The following CSGALNACT1 variants were observed in gnomAD, a reference collection of about 807,000 sequenced individuals.
CSGALNACT1 encodes chondroitin sulfate N-acetylgalactosaminyltransferase 1.
Under a neutral mutation model 51.0 loss-of-function variants are expected in CSGALNACT1, and 52 were observed. That is an observed-to-expected ratio of 1.02 (90% CI 0.82 to 1.29). CSGALNACT1 has a LOEUF of 1.29. CSGALNACT1 is among the 50% of genes most tolerant of loss of function. CSGALNACT1 has a pLI of 0.00. For synonymous variants in CSGALNACT1, 341 were observed against 254.4 expected, an observed-to-expected ratio of 1.34 and a Z score of -3.24; for missense variants, 935 against 679.2, an observed-to-expected ratio of 1.38 and a Z score of -4.19.
intron 1 of CSGALNACT1, among the ~76,000 whole-genome samples, chr8:19,624,627 T>C (rs2054221049): frequency 6.6e-6 from 1 of 152,044 alleles, no homozygotes; most frequent in African/African-American, 2.4e-5. Flanking sequence ...AAATGGTGAC[T>C]CAGAGGATCA....
chr8:19,566,540 A>G (rs1279455120), intron 3 of CSGALNACT1, among the ~76,000 whole-genome samples: 2 of 152,240 alleles, frequency 1.3e-5, no homozygotes, highest in African/African-American at 4.8e-5. Flanking sequence ...CACATTATAA[A>G]AAACCTGGTA....
chr8:19,449,946 AACAG>A (rs1380014155), intron 5 of CSGALNACT1, among the ~76,000 whole-genome samples: 1 of 151,448 alleles, frequency 6.6e-6, no homozygotes, highest in Non-Finnish European at 1.5e-5. Flanking sequence ...TCACAAACAA[AACAG>A]ACAATGAAGT....
chr8:19,655,925 G>T (rs973430976), intron 1 of CSGALNACT1, among the ~76,000 whole-genome samples: 1 of 152,176 alleles, frequency 6.6e-6, no homozygotes, highest in Non-Finnish European at 1.5e-5. Context: ...TATGCTAATT[G>T]AAAGGAGGGG....
intron 1 of CSGALNACT1, among the ~76,000 whole-genome samples, chr8:19,651,024 G>A (rs1473629994): frequency 2.6e-5 from 4 of 152,172 alleles, no homozygotes; most frequent in Non-Finnish European, 5.9e-5. Flanking sequence ...TAGCATGGAG[G>A]TGCGGTCTTC....
At chr8:19,591,896 C>T (rs939161092) in intron 2 of CSGALNACT1, among the ~76,000 whole-genome samples, 3 of 152,010 alleles carry the variant, frequency 2.0e-5, no homozygotes, top group African/African-American at 7.2e-5. Flanking sequence ...TTTTAAAAAT[C>T]TGCCATCACC....
intron 4 of CSGALNACT1, among the ~76,000 whole-genome samples, chr8:19,484,482 T>C (rs2072347650): frequency 6.6e-6 from 1 of 152,180 alleles, no homozygotes; most frequent in East Asian, 1.9e-4. Context: ...TCCACATGGC[T>C]GGGGAGGCCT....
intron 4 of CSGALNACT1, 139 bp downstream of exon 3, chr8:19,505,062 T>C: frequency 2.3e-6 from 2 of 855,282 alleles, no homozygotes; most frequent in Non-Finnish European, 3.9e-6. Flanking sequence ...ATGCCGTACC[T>C]TTTGGTGTCA....
intron 4 of CSGALNACT1, among the ~76,000 whole-genome samples, chr8:19,485,732 C>G (rs1382626840): frequency 7.4e-6 from 1 of 135,090 alleles, no homozygotes; most frequent in Non-Finnish European, 1.5e-5. Context: ...TGGGCACTAA[C>G]TAAAGTCTCA....
intron 1 of CSGALNACT1, among the ~76,000 whole-genome samples, chr8:19,658,245 T>C (rs2058463203): frequency 6.6e-6 from 1 of 152,054 alleles, no homozygotes; most frequent in Non-Finnish European, 1.5e-5. Context: ...GGTAGCTGTC[T>C]GGAAGCCCCC....
chr8:19,625,822 A>T (rs958930184), intron 1 of CSGALNACT1, among the ~76,000 whole-genome samples: 2 of 152,200 alleles, frequency 1.3e-5, no homozygotes, highest in African/African-American at 4.8e-5. Context: ...TAAGCCAGTT[A>T]GTTTCCTGGG....
rs924261970 is a variant in CSGALNACT1, at chr8:19,756,959, G to A, written c.-297+891C>T. Among the ~76,000 whole-genome samples, 50 of 148,850 alleles carry A rather than the reference G, an allele frequency of 3.4e-4. 2 individuals are homozygous for A. In the East Asian group the frequency reaches 9.6e-3, roughly 29 times the overall value. ...CCCACCTGGAGGCGCCGCGCCCTCC[G>A]CCTGCCAAGCCGGTCCCCGGCCCCT... On this transcript the variant is annotated intron_variant, in intron 1 of 1. Coordinates refer to the CSGALNACT1 transcript ENST00000517494.
intron 1 of CSGALNACT1, among the ~76,000 whole-genome samples, chr8:19,656,007 G>C (rs1300043413): frequency 6.6e-6 from 1 of 152,122 alleles, no homozygotes; most frequent in African/African-American, 2.4e-5. Context: ...TTAAACTTTG[G>C]AGGTTGAGCA....
chr8:19,525,531 C>T (rs528965602), intron 3 of CSGALNACT1, among the ~76,000 whole-genome samples: 15 of 138,966 alleles, frequency 1.1e-4, no homozygotes, highest in African/African-American at 1.6e-4. Flanking sequence ...GTAGGAGAAT[C>T]GCTTGAACCC....
At chr8:19,742,737 C>A (rs2064391147) in intron 1 of CSGALNACT1, among the ~76,000 whole-genome samples, 1 of 152,228 alleles carries the variant, frequency 6.6e-6, no homozygotes, top group South Asian at 2.1e-4. Context: ...CTTCCTTCAA[C>A]ATCTTTCTAA....
chr8:19,527,150 G>A (rs1449071267), intron 3 of CSGALNACT1, among the ~76,000 whole-genome samples: 1 of 152,198 alleles, frequency 6.6e-6, no homozygotes, highest in African/African-American at 2.4e-5. Flanking sequence ...TCCATGAAAG[G>A]ATAAATCAAT....
At chr8:19,415,598 C>T (rs1210193158) in intron 8 of CSGALNACT1, among the ~76,000 whole-genome samples, 1 of 152,180 alleles carries the variant, frequency 6.6e-6, no homozygotes, top group South Asian at 2.1e-4. Flanking sequence ...ATTCCCTTCG[C>T]AACTCCTACC....
intron 1 of CSGALNACT1, among the ~76,000 whole-genome samples, chr8:19,624,480 C>T (rs957068736): frequency 2.0e-5 from 3 of 151,976 alleles, no homozygotes; most frequent in Admixed American, 6.6e-5. Context: ...TTAAAAATAG[C>T]CAACACAGTA....
chr8:19,505,554 C>A, exon 4 of CSGALNACT1: 4 of 1,613,948 alleles, frequency 2.5e-6, no homozygotes, highest in African/African-American at 1.3e-5. Context: ...CTGCCCATTC[C>A]TGAGCTGCTC....
chr8:19,550,473 C>A (rs1208674737), intron 3 of CSGALNACT1, among the ~76,000 whole-genome samples: 3 of 152,162 alleles, frequency 2.0e-5, no homozygotes. Flanking sequence ...TTCATGGATG[C>A]AATATCTTCT....
Sources: allele counts gnomAD v4.1 joint callset (sites outside exome capture counted in the v4.1 genomes callset), GRCh38; gene constraint gnomAD v4.1.1; transcripts MANE v1.5; gene names NCBI Gene and HGNC (gene_info 2026-07-23, HGNC 2026-07-21).